ABCB7: variants seen among roughly 807,000 people sequenced by gnomAD.
ABCB7 encodes the protein ATP binding cassette subfamily B member 7, also known as iron-sulfur clusters transporter ABCB7, mitochondrial.
Under a neutral mutation model 54.4 loss-of-function variants are expected in ABCB7, and 7 were observed. The observed-to-expected ratio is 0.13, with a 90% CI of 0.07 to 0.24. ABCB7 has a LOEUF of 0.24. Ranked by LOEUF, ABCB7 falls within the 10% of genes least tolerant of loss-of-function variation. The pLI, the probability that ABCB7 is intolerant of heterozygous loss-of-function variation, is 1.00. For missense variants in ABCB7, 356 were observed against 570.4 expected (o/e 0.62, Z 3.83); for synonymous variants, 218 against 207.1 (o/e 1.05, Z -0.45).
intron 4 of ABCB7, among the ~76,000 whole-genome samples, chrX:75,084,774 G>A (rs2081483063): frequency 8.9e-6 from 1 of 111,905 alleles, no homozygotes; most frequent in Admixed American, 9.5e-5. Context: ...ATTCACTAAA[G>A]TTGAGAGGAA....
chrX:75,089,847 C>A, intron 4 of ABCB7, among the ~76,000 whole-genome samples: 1 of 109,350 alleles, frequency 9.1e-6, no homozygotes, highest in South Asian at 3.8e-4. Flanking sequence ...CAATTACAGA[C>A]CCAATTTTAA....
At chrX:75,155,702 T>C (rs2082169660) in intron 1 of ABCB7, among the ~76,000 whole-genome samples, 1 of 111,829 alleles carries the variant, frequency 8.9e-6, no homozygotes, top group African/African-American at 3.3e-5. Flanking sequence ...GAATTGCTAA[T>C]TCCAACTGAG....
At chrX:75,106,064 T>C (rs1221115483) in intron 3 of ABCB7, among the ~76,000 whole-genome samples, 1 of 111,881 alleles carries the variant, frequency 8.9e-6, no homozygotes, top group East Asian at 2.8e-4. Flanking sequence ...AAAGAATTTA[T>C]GACTAAGACT....
intron 1 of ABCB7, among the ~76,000 whole-genome samples, chrX:75,136,829 G>C (rs1243361321): frequency 8.9e-6 from 1 of 112,053 alleles, no homozygotes; most frequent in Non-Finnish European, 1.9e-5. Context: ...TAACTGGCCA[G>C]CCATATGCAG....
chrX:75,138,226 A>G (rs1208559807), intron 1 of ABCB7, among the ~76,000 whole-genome samples: 2 of 4,985 alleles, frequency 4.0e-4, no homozygotes, highest in Non-Finnish European at 0.026. Context: ...ACCCTCATAC[A>G]CACACACACA....
intron 1 of ABCB7, among the ~76,000 whole-genome samples, chrX:75,153,752 G>GTATA (rs1211276938): frequency 1.1e-4 from 1 of 9,381 alleles, no homozygotes; most frequent in Non-Finnish European, 5.4e-3. Flanking sequence ...GTGTGCGTGT[G>GTATA]TGTGTGTGTA....
At chrX:75,133,860 T>C (rs2081991597) in intron 1 of ABCB7, among the ~76,000 whole-genome samples, 1 of 111,595 alleles carries the variant, frequency 9.0e-6, no homozygotes, top group African/African-American at 3.3e-5. Context: ...AAAAGACCAT[T>C]ACCAAAAACC....
intron 1 of ABCB7, among the ~76,000 whole-genome samples, chrX:75,155,140 TAACTA>T (rs2082163931): frequency 8.8e-6 from 1 of 113,018 alleles, no homozygotes; most frequent in African/African-American, 3.2e-5. Context: ...CCAATCTCCT[TAACTA>T]AACTGTACAA....
intron 4 of ABCB7, among the ~76,000 whole-genome samples, chrX:75,094,050 A>ATATATATATC (rs1314153062): frequency 1.5e-4 from 3 of 20,487 alleles, no homozygotes; most frequent in African/African-American, 2.1e-4. Context: ...ATATATATAT[A>ATATATATATC]TATCTATCTT....
At chrX:75,150,320 A>C (rs1469881649) in intron 1 of ABCB7, among the ~76,000 whole-genome samples, 1 of 111,825 alleles carries the variant, frequency 8.9e-6, no homozygotes, top group Non-Finnish European at 1.9e-5. Context: ...CCTACAAGGG[A>C]GTCAAGAGAG....
chrX:75,067,776 T>A (rs1299515612), intron 12 of ABCB7, among the ~76,000 whole-genome samples: 2 of 111,232 alleles, frequency 1.8e-5, no homozygotes, highest in African/African-American at 6.5e-5. Context: ...TGAGCCACTG[T>A]GCCCAGCCTA....
intron 12 of ABCB7, among the ~76,000 whole-genome samples, chrX:75,067,103 C>T (rs2081326253): frequency 8.9e-6 from 1 of 111,764 alleles, no homozygotes; most frequent in Non-Finnish European, 1.9e-5. Context: ...TACACACTGC[C>T]AATTTGCTTG....
chrX:75,121,276 G>A (rs1257437612), intron 1 of ABCB7, among the ~76,000 whole-genome samples: 2 of 97,678 alleles, frequency 2.0e-5, no homozygotes, highest in African/African-American at 7.8e-5. Flanking sequence ...GCGACAGAGC[G>A]AGACTCTGTC....
intron 4 of ABCB7, among the ~76,000 whole-genome samples, chrX:75,098,452 T>C (rs1367555889): frequency 1.8e-5 from 2 of 111,777 alleles, no homozygotes; most frequent in Non-Finnish European, 3.8e-5. Context: ...AGGGCTCCTA[T>C]ACTGAACGTA....
intron 4 of ABCB7, among the ~76,000 whole-genome samples, chrX:75,095,195 G>A (rs1274855610): frequency 1.8e-5 from 2 of 111,264 alleles, no homozygotes; most frequent in Non-Finnish European, 3.8e-5. Context: ...TATGTTTCGT[G>A]CCTAGTTATG....
intron 14 of ABCB7, among the ~76,000 whole-genome samples, chrX:75,061,897 G>A (rs952316330): frequency 2.7e-5 from 3 of 112,050 alleles, no homozygotes; most frequent in Non-Finnish European, 5.6e-5. Context: ...CTCATGAGTC[G>A]CTCCATGATA....
At chrX:75,053,924 G>A (rs797016821) in intron 15 of ABCB7, among the ~76,000 whole-genome samples, 1 of 111,667 alleles carries the variant, frequency 9.0e-6, no homozygotes, top group South Asian at 3.7e-4. Context: ...TCTGTAATCA[G>A]CAAATATTCA....
At chrX:75,063,124 C>T (rs887973839) in intron 13 of ABCB7, among the ~76,000 whole-genome samples, 3 of 111,619 alleles carry the variant, frequency 2.7e-5, no homozygotes, top group African/African-American at 9.7e-5. Flanking sequence ...CAGTCCAATG[C>T]TCTTCTTATC....
intron 8 of ABCB7, among the ~76,000 whole-genome samples, chrX:75,072,114 C>T (rs1304749671): frequency 1.8e-5 from 2 of 111,265 alleles, no homozygotes; most frequent in East Asian, 2.8e-4. Context: ...TTACCACCCT[C>T]CCCTGTGAAA....
Sources: allele counts gnomAD v4.1 joint callset (sites outside exome capture counted in the v4.1 genomes callset), GRCh38; gene constraint gnomAD v4.1.1; transcripts MANE v1.5; gene names NCBI Gene and HGNC (gene_info 2026-07-23, HGNC 2026-07-21).